The following ZNF91 variants were observed in gnomAD, a reference collection of about 807,000 sequenced individuals.
The protein encoded by ZNF91 is zinc finger protein 91.
In ZNF91, 7 loss-of-function variants were observed where a neutral mutation model predicts 12.6. The ratio of observed to expected loss-of-function variants is 0.55; its 90% CI spans 0.31 to 1.04. The LOEUF (loss-of-function observed/expected upper bound fraction) is 1.04, where lower values mean the gene tolerates loss of function less well. Among genes scored for constraint, ZNF91 ranks in the 50% least tolerant of loss-of-function variants. ZNF91 has a pLI of 0.05. For synonymous variants in ZNF91, 453 were observed against 462.6 expected, an observed-to-expected ratio of 0.98 and a Z score of 0.27; for missense variants, 1,217 against 1,385.4, an observed-to-expected ratio of 0.88 and a Z score of 1.93.
chr19:23,392,035 C>A (rs1343479711), intron 1 of ZNF91, among the ~76,000 whole-genome samples: 1 of 152,114 alleles, frequency 6.6e-6, no homozygotes, highest in Non-Finnish European at 1.5e-5. Context: ...GTAAGAAAAG[C>A]AAAAGTATTT....
chr19:23,359,343 C>T lies in ZNF91; in HGVS notation c.*60G>A, dbSNP rs1445769163. ...GTTCACGCCATTCTCCTGCCTCAGC[C>T]TCTCGCATAGCTGGGACTACAGGCG... On this transcript the variant is annotated 3_prime_UTR_variant, in exon 4 of 4. Transcript: ENST00000300619. The T allele has an allele frequency of 1.6e-5, 10 of 619,140 alleles. No individual in the cohort carries two copies. The highest frequency in any genetic ancestry group is 1.3e-4 in the African/African-American group (7 of 54,094). The allele number at this position is 619,140 out of a possible 1,614,324, so 38.4% of individuals were successfully genotyped here.
At chr19:23,372,954 A>C (rs1969344384) in intron 3 of ZNF91, among the ~76,000 whole-genome samples, 1 of 152,200 alleles carries the variant, frequency 6.6e-6, no homozygotes, top group African/African-American at 2.4e-5. Flanking sequence ...AAAGTCCTGA[A>C]GGATATTCAC....
intron 1 of ZNF91, chr19:23,385,024 C>T: frequency 8.1e-7 from 1 of 1,227,438 alleles, no homozygotes; most frequent in Non-Finnish European, 1.2e-6. Flanking sequence ...CGGGACAGTC[C>T]ACCAGGGAGA....
intron 1 of ZNF91, among the ~76,000 whole-genome samples, 158 bp from the exon 2 acceptor site, chr19:23,374,922 G>A (rs1369138205): frequency 1.3e-5 from 2 of 152,178 alleles, no homozygotes; most frequent in Admixed American, 6.5e-5. Context: ...CAAACGTTTT[G>A]TAATGTATTC....
intron 3 of ZNF91, among the ~76,000 whole-genome samples, chr19:23,366,251 C>G (rs898252156): frequency 1.3e-4 from 20 of 151,320 alleles, no homozygotes; most frequent in African/African-American, 4.9e-4. Flanking sequence ...GGGGCTGACC[C>G]CCATACCTCC....
chr19:23,355,981 T>C (rs1022546402), downstream of ZNF91, among the ~76,000 whole-genome samples: 1 of 152,042 alleles, frequency 6.6e-6, no homozygotes, highest in Non-Finnish European at 1.5e-5. Context: ...ATAGCCATAA[T>C]CAAAAGATCA....
intron 1 of ZNF91, among the ~76,000 whole-genome samples, chr19:23,332,182 C>T (rs1040679346): frequency 2.0e-5 from 3 of 152,110 alleles, no homozygotes; most frequent in African/African-American, 2.4e-5. Context: ...TATTATTAAT[C>T]GATAGGAATC....
chr19:23,324,125 T>TCTC (rs988547707), intron 1 of ZNF91: 1 of 150,308 alleles, frequency 6.7e-6, no homozygotes, highest in South Asian at 2.1e-4. Flanking sequence ...TTTCTCATCC[T>TCTC]CTCCTCCTCC....
intron 3 of ZNF91, among the ~76,000 whole-genome samples, chr19:23,364,746 G>A (rs1968937258): frequency 1.3e-5 from 2 of 151,808 alleles, no homozygotes; most frequent in South Asian, 4.2e-4. Flanking sequence ...CAGCTACACA[G>A]GATTAGAAAA....
At chr19:23,388,756 C>T (rs1313875851) in intron 1 of ZNF91, among the ~76,000 whole-genome samples, 2 of 151,890 alleles carry the variant, frequency 1.3e-5, no homozygotes, top group African/African-American at 2.4e-5. Flanking sequence ...ACCTGTAATC[C>T]CAAGCTACTT....
chr19:23,370,312 T>C (rs554852427), intron 3 of ZNF91, among the ~76,000 whole-genome samples: 2 of 152,174 alleles, frequency 1.3e-5, no homozygotes, highest in Non-Finnish European at 2.9e-5. Flanking sequence ...ATAAATGTTA[T>C]GATTTCACTA....
intron 3 of ZNF91, among the ~76,000 whole-genome samples, chr19:23,371,278 G>A (rs1969266058): frequency 6.6e-6 from 1 of 152,022 alleles, no homozygotes; most frequent in African/African-American, 2.4e-5. Context: ...TCTGGGAGGT[G>A]GAGGTTGCAG....
chr19:23,326,872 A>G (rs1245196343), intron 1 of ZNF91: 1 of 152,202 alleles, frequency 6.6e-6, no homozygotes, highest in Non-Finnish European at 1.5e-5. Context: ...GCTTAAAGAG[A>G]AAAGAAAATG....
At chr19:23,385,897 A>T (rs536884780) in intron 1 of ZNF91, among the ~76,000 whole-genome samples, 1 of 152,286 alleles carries the variant, frequency 6.6e-6, no homozygotes, top group African/African-American at 2.4e-5. Context: ...GGTAAGATAC[A>T]GGCAAAGTAC....
At position 23,361,915 on chromosome 19, in the gene ZNF91, C is replaced by T; in HGVS notation, c.1064G>A (p.Cys355Tyr). The change falls in exon 4 of 4, where the codon TGT (cysteine) becomes TAT (tyrosine). Residue 355 changes from cysteine (C) to tyrosine (Y), a missense_variant. Cys to Tyr is a radical substitution (Grantham distance 194). Coordinates refer to ENST00000300619, the MANE Select transcript of ZNF91 (RefSeq NM_003430.4). ...TGAGGAATTGCTAAAAGCTTTGCCACATTCTTTACATTTGTAGGGTTTCTC... is the reference window on the plus strand; with the variant it reads ...TGAGGAATTGCTAAAAGCTTTGCCATATTCTTTACATTTGTAGGGTTTCTC... ...TGEKPYKCKE[C>Y]GKAFSNSSTL... 1 of 1,613,666 alleles carries T rather than the reference C, an allele frequency of 6.2e-7. No homozygotes were observed. Among genetic ancestry groups the T allele is most frequent in the Non-Finnish European group, 8.5e-7 (1 of 1,179,746 alleles).
chr19:23,390,311 C>T (rs55738647), intron 1 of ZNF91, among the ~76,000 whole-genome samples: 4 of 151,592 alleles, frequency 2.6e-5, no homozygotes, highest in Non-Finnish European at 2.9e-5. Flanking sequence ...AGTAAAACTC[C>T]GTCTCAGAAA....
intron 3 of ZNF91, among the ~76,000 whole-genome samples, chr19:23,347,502 T>C (rs914132036): frequency 2.0e-5 from 3 of 152,034 alleles, no homozygotes; most frequent in Non-Finnish European, 2.9e-5. Flanking sequence ...GTGCCTGTCC[T>C]CGTTCTCTCC....
In ZNF91 at chr19:23,361,275, A is replaced by G; in HGVS notation, c.1704T>C (p.His568=). The G allele has an allele frequency of 6.2e-7, 1 of 1,613,376 alleles. No individual in the cohort carries two copies. Among genetic ancestry groups the G allele is most frequent in the Non-Finnish European group, 8.5e-7 (1 of 1,179,746 alleles). Residue 568 remains histidine, a synonymous_variant, in exon 4 of 4, where the codon CAT becomes CAC. Transcript: ENST00000300619. ...FSTLTTHKII[H]AGKKLYKCEE... ...CACATTTGTAGAGTTTCTTTCCAGCATGAATTATTTTATGTGTAGTAAGGG... is the reference window on the plus strand; with the variant it reads ...CACATTTGTAGAGTTTCTTTCCAGCGTGAATTATTTTATGTGTAGTAAGGG...
At chr19:23,366,201 C>T (rs951142951) in intron 3 of ZNF91, among the ~76,000 whole-genome samples, 1 of 151,928 alleles carries the variant, frequency 6.6e-6, no homozygotes, top group African/African-American at 2.4e-5. Flanking sequence ...GGGGGCTGAC[C>T]CCCCCACCTC....
Sources: gnomAD v4.1 joint callset for allele counts (sites outside exome capture counted in the v4.1 genomes callset) on GRCh38, gnomAD v4.1.1 for gene constraint, MANE v1.5 for transcripts, NCBI Gene and HGNC (gene_info 2026-07-23, HGNC 2026-07-21) for gene names.